Variants in GRAMD2B observed in about 807,000 individuals in gnomAD.
The protein encoded by GRAMD2B is GRAM domain-containing protein 2B.
GRAMD2B carries 41 observed loss-of-function variants against 59.2 expected under a neutral mutation model. That is an observed-to-expected ratio of 0.69 (90% confidence interval 0.54 to 0.90). The LOEUF (loss-of-function observed/expected upper bound fraction) is 0.90, where lower values mean the gene tolerates loss of function less well. GRAMD2B is among the 40% of genes least tolerant of loss of function. The probability of loss-of-function intolerance (pLI) is 0.00; values close to 1 mark genes in which losing one functional copy is unlikely to be tolerated. For synonymous variants in GRAMD2B, 161 were observed against 182.7 expected, an observed-to-expected ratio of 0.88 and a Z score of 0.96; for missense variants, 424 against 500.5, an observed-to-expected ratio of 0.85 and a Z score of 1.46.
intron 1 of GRAMD2B, among the ~76,000 whole-genome samples, chr5:126,387,017 A>G (rs761327471): frequency 3.3e-5 from 5 of 152,170 alleles, no homozygotes; most frequent in Non-Finnish European, 7.3e-5. Flanking sequence ...AGGGAAAACG[A>G]AAGGTGCATG....
upstream of GRAMD2B, chr5:126,423,007 C>A: frequency 4.2e-6 from 1 of 237,902 alleles, no homozygotes; most frequent in Non-Finnish European, 6.8e-6. Flanking sequence ...AAAAATTGAG[C>A]AGACCTATTG....
chr5:126,456,827 C>T (rs1242690226), intron 1 of GRAMD2B, among the ~76,000 whole-genome samples: 1 of 152,164 alleles, frequency 6.6e-6, no homozygotes, highest in East Asian at 1.9e-4. Flanking sequence ...CATTTTACCT[C>T]CCCCTTTGTT....
At chr5:126,400,427 A>G (rs1245812084) in intron 1 of GRAMD2B, among the ~76,000 whole-genome samples, 2 of 152,126 alleles carry the variant, frequency 1.3e-5, no homozygotes, top group Non-Finnish European at 1.5e-5. Context: ...AAATTATTAT[A>G]GCTGTAGTTA....
chr5:126,416,257 G>C (rs1434958064), intron 1 of GRAMD2B, among the ~76,000 whole-genome samples: 2 of 152,154 alleles, frequency 1.3e-5, no homozygotes, highest in Non-Finnish European at 2.9e-5. Flanking sequence ...GAGTCATTTG[G>C]TAAGTAGCAT....
At chr5:126,380,013 T>C (rs1354332324) in intron 1 of GRAMD2B, among the ~76,000 whole-genome samples, 1 of 152,228 alleles carries the variant, frequency 6.6e-6, no homozygotes, top group Admixed American at 6.5e-5. Flanking sequence ...TTTTCTGATG[T>C]TATATTCTAG....
At chr5:126,487,510 T>C (rs1773163094) in intron 12 of GRAMD2B, among the ~76,000 whole-genome samples, 1 of 152,228 alleles carries the variant, frequency 6.6e-6, no homozygotes, top group South Asian at 2.1e-4. Flanking sequence ...TTTTCAGACA[T>C]AGAGCTCTTT....
At position 126,397,779 on chromosome 5, in the gene GRAMD2B, T is replaced by C. The variant is rs1277519082; in HGVS notation, c.125+26212T>C. On this transcript the variant is annotated intron_variant, in intron 1 of 8. Transcript: ENST00000506445. ...TGTACTATAAAATTTAGTTTGCTAG[T>C]TGAAAATTTTTGTATCTGTGTTCAT... Among the ~76,000 whole-genome samples, 3 of 152,194 alleles carry C rather than the reference T, an allele frequency of 2.0e-5. No homozygotes were observed. In the East Asian group the frequency reaches 5.8e-4, roughly 29 times the overall value.
At chr5:126,408,976 G>A (rs182790537) in intron 1 of GRAMD2B, among the ~76,000 whole-genome samples, 181 of 151,366 alleles carry the variant, frequency 1.2e-3, no homozygotes, top group Non-Finnish European at 2.2e-3. Context: ...TACTGAGAAT[G>A]ATGATTTCCA....
chr5:126,364,693 T>G (rs749914076), intron 1 of GRAMD2B, among the ~76,000 whole-genome samples: 3 of 152,246 alleles, frequency 2.0e-5, no homozygotes. Context: ...GTGATAGATC[T>G]ATAACAGGAA....
chr5:126,376,767 A>T (rs1259051545), intron 1 of GRAMD2B, among the ~76,000 whole-genome samples: 1 of 152,134 alleles, frequency 6.6e-6, no homozygotes, highest in Non-Finnish European at 1.5e-5. Context: ...TTTTAAGGGG[A>T]TATATAATGG....
At chr5:126,491,564 C>T (rs771482519) in intron 13 of GRAMD2B, among the ~76,000 whole-genome samples, 4 of 152,168 alleles carry the variant, frequency 2.6e-5, no homozygotes, top group Non-Finnish European at 5.9e-5. Flanking sequence ...CCTTTGCTGG[C>T]ACTTACATAT....
At chr5:126,445,052 A>G (rs186100140) in intron 1 of GRAMD2B, among the ~76,000 whole-genome samples, 79 of 152,292 alleles carry the variant, frequency 5.2e-4, no homozygotes, top group African/African-American at 1.9e-3. Context: ...GATGCGTAGT[A>G]TTCCATGGTG....
Position 126,472,244 on chromosome 5 carries a change from G to A in GRAMD2B, c.322G>A (p.Ala108Thr), listed in dbSNP as rs1353189496. 6.2e-7 allele frequency: 1 copy of A among 1,612,834 alleles called. No individual in the cohort carries two copies. The highest frequency in any genetic ancestry group is 8.5e-7 in the Non-Finnish European group (1 of 1,178,810). The change falls in exon 4 of 14, where the codon GCC (alanine) becomes ACC (threonine). Residue 108 changes from alanine to threonine, a missense_variant. Ala to Thr is a moderately conservative substitution (Grantham distance 58, BLOSUM62 0). Transcript: ENST00000285689. The stretch of plus-strand genomic sequence containing the variant: ...TATTTTGTTCTCATTGTAGTACAAG[G>A]CCAATATGCACTTTCACAAGTTGTT... The part of the protein sequence containing the change: ...KKSSSSSQYK[A>T]NMHFHKLFLS...
chr5:126,360,986 CCTT>C (rs1285239874), intron 1 of GRAMD2B, among the ~76,000 whole-genome samples: 1 of 152,126 alleles, frequency 6.6e-6, no homozygotes, highest in Non-Finnish European at 1.5e-5. Context: ...TTTATGAGCT[CCTT>C]GTAAGCAGGC....
intron 1 of GRAMD2B, among the ~76,000 whole-genome samples, chr5:126,391,262 AC>A (rs1196575907): frequency 1.2e-4 from 17 of 140,090 alleles, no homozygotes; most frequent in South Asian, 1.2e-3. Flanking sequence ...AATCGCTTGA[AC>A]CCAGGAGGAT....
chr5:126,402,856 G>C (rs568939564), intron 1 of GRAMD2B, among the ~76,000 whole-genome samples: 7 of 152,134 alleles, frequency 4.6e-5, no homozygotes, highest in Non-Finnish European at 8.8e-5. Context: ...CTGGCCCCAT[G>C]AGTTTTGGAT....
At chr5:126,447,185 C>T (rs1354506916) in intron 1 of GRAMD2B, among the ~76,000 whole-genome samples, 1 of 152,192 alleles carries the variant, frequency 6.6e-6, no homozygotes, top group African/African-American at 2.4e-5. Context: ...ACCAAAAGCA[C>T]CCTCAGTACT....
intron 1 of GRAMD2B, among the ~76,000 whole-genome samples, chr5:126,413,686 T>A (rs893803187): frequency 6.6e-6 from 1 of 152,206 alleles, no homozygotes; most frequent in Admixed American, 6.5e-5. Context: ...TCTAAGGCTA[T>A]CAGTGGGGTA....
chr5:126,481,202 AAAAAGAAAG>A (rs1391908356), intron 8 of GRAMD2B, among the ~76,000 whole-genome samples: 177 of 74,872 alleles, frequency 2.4e-3, no homozygotes, highest in African/African-American at 7.5e-3. Flanking sequence ...AAAAAAAAAA[AAAAAGAAAG>A]AAAGAAAGAA....
Sources: allele counts gnomAD v4.1 joint callset (sites outside exome capture counted in the v4.1 genomes callset), GRCh38; gene constraint gnomAD v4.1.1; transcripts MANE v1.5; gene names NCBI Gene and HGNC (gene_info 2026-07-23, HGNC 2026-07-21).